Variants in KCNQ5 observed in about 807,000 individuals in gnomAD.
The protein encoded by KCNQ5 is potassium voltage-gated channel subfamily KQT member 5.
A neutral mutation model predicts 98.2 loss-of-function variants in KCNQ5; 30 were observed. The observed-to-expected ratio is 0.31, with a 90% CI of 0.23 to 0.41. The LOEUF (loss-of-function observed/expected upper bound fraction) is 0.41, where lower values mean the gene tolerates loss of function less well. Ranked by LOEUF, KCNQ5 falls within the 10% of genes least tolerant of loss-of-function variation. The pLI is 1.00. For missense variants in KCNQ5, 835 were observed against 1,182.5 expected (o/e 0.71, Z 4.31); for synonymous variants, 458 against 449.4 (o/e 1.02, Z -0.24).
rs574735279 is a variant in KCNQ5 at position 73,168,531 on chromosome 6, C to T, written c.1469-1215C>T. Among the ~76,000 whole-genome samples, 6 of 152,108 alleles carry T rather than the reference C, an allele frequency of 3.9e-5. No individual in the cohort carries two copies. The South Asian group carries it at 6.3e-4, about 16-fold the overall frequency. On this transcript the variant is annotated intron_variant, in intron 10 of 13. Transcript: ENST00000370398. ...CAGCCTGGCCAACATGGTGAAACCC[C>T]GTCTCTACTAAAAATACAAAAATTG... is the stretch of plus-strand genomic sequence containing the variant.
intron 1 of KCNQ5, among the ~76,000 whole-genome samples, chr6:72,853,123 T>C (rs1255276892): frequency 6.6e-6 from 1 of 152,220 alleles, no homozygotes; most frequent in African/African-American, 2.4e-5. Flanking sequence ...TGATCCTTTA[T>C]ATCAATTTAT....
chr6:72,842,956 A>G (rs1436825847), intron 1 of KCNQ5, among the ~76,000 whole-genome samples: 4 of 152,128 alleles, frequency 2.6e-5, no homozygotes, highest in Non-Finnish European at 5.9e-5. Context: ...CTCTGATGAT[A>G]GTTTCTTTGC....
At chr6:72,858,986 T>G (rs1166990184) in intron 1 of KCNQ5, among the ~76,000 whole-genome samples, 1 of 151,976 alleles carries the variant, frequency 6.6e-6, no homozygotes, top group Admixed American at 6.6e-5. Flanking sequence ...GATGCTAGTT[T>G]TGCAATTTTT....
chr6:73,174,621 G>A (rs1778145974), intron 11 of KCNQ5, among the ~76,000 whole-genome samples: 1 of 152,162 alleles, frequency 6.6e-6, no homozygotes, highest in South Asian at 2.1e-4. Flanking sequence ...GGTACCATTG[G>A]CTAATTCTAT....
chr6:72,650,738 A>G (rs999337100), intron 1 of KCNQ5, among the ~76,000 whole-genome samples: 7 of 152,196 alleles, frequency 4.6e-5, no homozygotes, highest in African/African-American at 1.4e-4. Flanking sequence ...CCTTTTTGTC[A>G]TTCCTCACAC....
intron 1 of KCNQ5, among the ~76,000 whole-genome samples, chr6:72,668,628 C>G (rs1056846563): frequency 2.6e-5 from 4 of 151,918 alleles, no homozygotes; most frequent in African/African-American, 7.3e-5. Context: ...TAACAAAATT[C>G]CATAGACTGG....
At chr6:72,710,420 A>G (rs570453073) in intron 1 of KCNQ5, among the ~76,000 whole-genome samples, 2 of 152,222 alleles carry the variant, frequency 1.3e-5, no homozygotes, top group African/African-American at 4.8e-5. Flanking sequence ...ACAAAACAAG[A>G]CCCAACTGTA....
At chr6:72,995,116 C>T (rs1380419718) in intron 1 of KCNQ5, among the ~76,000 whole-genome samples, 3 of 152,030 alleles carry the variant, frequency 2.0e-5, no homozygotes, top group Non-Finnish European at 2.9e-5. Context: ...TGCCTGTAAT[C>T]CCAGCACTTT....
At chr6:72,647,002 A>G (rs1427496847) in intron 1 of KCNQ5, among the ~76,000 whole-genome samples, 1 of 152,214 alleles carries the variant, frequency 6.6e-6, no homozygotes, top group African/African-American at 2.4e-5. Flanking sequence ...ACATAGGCAC[A>G]GAACAGACTC....
chr6:72,791,809 G>T lies in KCNQ5; in HGVS notation c.398+169222G>T, dbSNP rs185319305. Among the ~76,000 whole-genome samples the T allele has an allele frequency of 2.0e-5, 3 of 152,224 alleles. No homozygotes were observed. In the East Asian group the frequency reaches 5.8e-4, roughly 29 times the overall value. ...AAGGCATCACGTACCAAGAGAGCCC[G>T]CAGGAGAGATGGAAGGGGCCAAACT... is the stretch of plus-strand genomic sequence containing the variant. On this transcript the variant is annotated intron_variant, in intron 1 of 13. Coordinates refer to ENST00000370398, the MANE Select transcript of KCNQ5 (RefSeq NM_019842.4).
At chr6:73,111,510 C>T in intron 7 of KCNQ5, 107 bp downstream of exon 7, 1 of 781,072 alleles carries the variant, frequency 1.3e-6, no homozygotes, top group Non-Finnish European at 2.1e-6. Context: ...CTGCTTTGTT[C>T]CTTTTTATAA....
intron 1 of KCNQ5, among the ~76,000 whole-genome samples, chr6:72,655,017 G>GGTCTGTCT (rs200156574): frequency 1.9e-5 from 2 of 107,552 alleles, no homozygotes; most frequent in South Asian, 6.4e-4. Flanking sequence ...TAATAGCCAA[G>GGTCTGTCT]GTCTGTCTGT....
At chr6:72,887,346 TCTCATGAGA>T (rs905418053) in intron 1 of KCNQ5, among the ~76,000 whole-genome samples, 3 of 151,770 alleles carry the variant, frequency 2.0e-5, no homozygotes, top group African/African-American at 7.3e-5. Context: ...AACCATCAGG[TCTCATGAGA>T]CTTATTCACC....
Position 73,157,028 on chromosome 6 carries a change from G to C in KCNQ5, c.1469-12718G>C, listed in dbSNP as rs896185042. ...AGCGTGGTGGGTGCAGGGGCGAGGC[G>C]AGCAGAGAGAGGCCAGGCAGGATGA... is the stretch of plus-strand genomic sequence containing the variant. On this transcript the variant is annotated intron_variant, in intron 10 of 13. Transcript: ENST00000370398. Among the ~76,000 whole-genome samples the C allele has an allele frequency of 2.0e-5, 3 of 152,326 alleles. No individual in the cohort carries two copies. The South Asian group carries it at 6.2e-4, about 32-fold the overall frequency.
chr6:72,629,985 T>A (rs530964356), intron 1 of KCNQ5, among the ~76,000 whole-genome samples: 100 of 152,332 alleles, frequency 6.6e-4, no homozygotes, highest in Non-Finnish European at 9.4e-4. Context: ...AGTCATCAAT[T>A]TCTAAACTTA....
chr6:73,091,199 A>T (rs543628077), intron 5 of KCNQ5, among the ~76,000 whole-genome samples: 3 of 152,332 alleles, frequency 2.0e-5, no homozygotes, highest in Admixed American at 6.5e-5. Context: ...GGAAACCATC[A>T]TTCTCAGCAA....
Position 72,880,891 on chromosome 6 carries a change from C to T in KCNQ5, c.399-123017C>T, listed in dbSNP as rs573945382. Among the ~76,000 whole-genome samples, 14 of 152,214 alleles carry T rather than the reference C, an allele frequency of 9.2e-5. No individual in the cohort carries two copies. In the South Asian group the frequency reaches 1.7e-3, roughly 18 times the overall value. The stretch of plus-strand genomic sequence containing the variant: ...GCTTTTACTAGAATGTCCAGTACAG[C>T]GTTAAGTGGTAGGATTGATAGCCCT... On this transcript the variant is annotated intron_variant, in intron 1 of 13. Coordinates refer to ENST00000370398, the MANE Select transcript of KCNQ5 (RefSeq NM_019842.4).
Position 72,880,593 on chromosome 6 carries a change from C to T in KCNQ5, c.399-123315C>T, listed in dbSNP as rs79884486. ...CTTCTGTGAGTAACAATGAAGGTTA[C>T]AGACATATGTGTGTATCTGTTATAT... On this transcript the variant is annotated intron_variant, in intron 1 of 13. Coordinates refer to ENST00000370398, the MANE Select transcript of KCNQ5 (RefSeq NM_019842.4). 4.8e-3 allele frequency among the ~76,000 whole-genome samples: 725 copies of T among 152,286 alleles called. 11 individuals are homozygous for T. The highest frequency in any genetic ancestry group is 0.02 in the East Asian group (106 of 5,180).
chr6:72,795,145 T>C (rs1053613235), intron 1 of KCNQ5, among the ~76,000 whole-genome samples: 1 of 152,164 alleles, frequency 6.6e-6, no homozygotes, highest in African/African-American at 2.4e-5. Context: ...CAAAACTTTC[T>C]TTTTCCAAAA....
Sources: gnomAD v4.1 joint callset for allele counts (sites outside exome capture counted in the v4.1 genomes callset) on GRCh38, gnomAD v4.1.1 for gene constraint, MANE v1.5 for transcripts, NCBI Gene and HGNC (gene_info 2026-07-23, HGNC 2026-07-21) for gene names.